SMARCC1: variants seen among roughly 807,000 people sequenced by gnomAD.
SMARCC1 encodes the protein SWI/SNF related BAF chromatin remodeling complex subunit C1.
A neutral mutation model predicts 147.4 loss-of-function variants in SMARCC1; 43 were observed. The observed-to-expected ratio is 0.29, with a 90% CI of 0.23 to 0.38. SMARCC1 has a LOEUF of 0.38. Ranked by LOEUF, SMARCC1 falls within the 10% of genes least tolerant of loss-of-function variation. The pLI, the probability that SMARCC1 is intolerant of heterozygous loss-of-function variation, is 1.00. For synonymous variants in SMARCC1, 495 were observed against 484.4 expected (o/e 1.02, Z -0.29); for missense variants, 1,119 against 1,381.1 (o/e 0.81, Z 3.01).
intron 18 of SMARCC1, among the ~76,000 whole-genome samples, chr3:47,672,947 T>G (rs1304462613): frequency 4.6e-5 from 7 of 152,022 alleles, no homozygotes; most frequent in Admixed American, 4.6e-4. Context: ...TCTGGCTAGT[T>G]TCAGTATTTT....
intron 1 of SMARCC1, among the ~76,000 whole-genome samples, chr3:47,781,291 C>T (rs1233289163): frequency 6.6e-6 from 1 of 152,212 alleles, no homozygotes; most frequent in Admixed American, 6.5e-5. Context: ...TGTTCACACA[C>T]CTAAGGCAGC....
chr3:47,759,618 C>CAAAAA (rs796811233), intron 2 of SMARCC1, among the ~76,000 whole-genome samples: 1 of 63,762 alleles, frequency 1.6e-5, no homozygotes. Flanking sequence ...GACTCCGTCT[C>CAAAAA]AAAAAAAAAA....
At chr3:47,708,083 CTTTTTTTTTTTTTTTTTT>C (rs915291740) in intron 9 of SMARCC1, among the ~76,000 whole-genome samples, 1 of 64,270 alleles carries the variant, frequency 1.6e-5, no homozygotes, top group African/African-American at 6.6e-5. Context: ...AATTTTTTTT[CTTTTTTTTTTTTTTTTTT>C]TTTTTTTTTT....
rs1364483730 is a variant in SMARCC1 at position 47,781,753 on chromosome 3, G to A, written c.45C>T (p.Gly15=). Residue 15 remains glycine, a synonymous_variant, in exon 1 of 28, where the codon GGC becomes GGT. Transcript: ENST00000254480. ...CCGCCGCAATCCCCGAGCCCGTGGC[G>A]CCTACCGCTGTCCCCGGCCCGCCGC... ...AGGGGPGTAV[G]ATGSGIAAAA... is the part of the protein sequence containing the mutation. 1.3e-6 allele frequency: 2 copies of A among 1,518,936 alleles called. No homozygotes were observed. The highest frequency in any genetic ancestry group is 1.8e-6 in the Non-Finnish European group (2 of 1,138,590). The allele number at this position is 1,518,936 out of a possible 1,614,324, so 94.1% of individuals were successfully genotyped here. A position where few individuals can be genotyped will look rare whatever the true frequency, so the allele number is the denominator to read the frequency against.
At chr3:47,630,429 G>A (rs9856209) in intron 24 of SMARCC1, among the ~76,000 whole-genome samples, 2,473 of 152,252 alleles carry the variant, frequency 0.016, 60 homozygotes, top group African/African-American at 0.047. Flanking sequence ...GTGGGGTTGG[G>A]GACCCCTGAT....
chr3:47,751,574 C>T (rs1390036067), intron 2 of SMARCC1, among the ~76,000 whole-genome samples: 1 of 151,672 alleles, frequency 6.6e-6, no homozygotes, highest in Non-Finnish European at 1.5e-5. Flanking sequence ...AACTGACATT[C>T]AATTTTCCAA....
chr3:47,637,585 G>A, intron 22 of SMARCC1, among the ~76,000 whole-genome samples: 1 of 152,122 alleles, frequency 6.6e-6, no homozygotes, highest in East Asian at 1.9e-4. Flanking sequence ...GGTGGCGCGT[G>A]GCTGTAATCC....
At chr3:47,694,723 T>A (rs2033827769) in intron 11 of SMARCC1, among the ~76,000 whole-genome samples, 1 of 152,206 alleles carries the variant, frequency 6.6e-6, no homozygotes, top group Non-Finnish European at 1.5e-5. Context: ...CATCTACCTT[T>A]TAGGTTTTGA....
rs536134129 is a variant in SMARCC1, at chr3:47,708,434, C to A, written c.919-1904G>T. Among the ~76,000 whole-genome samples, 6 of 152,160 alleles carry A rather than the reference C, an allele frequency of 3.9e-5. No homozygotes were observed. In the South Asian group the frequency reaches 1.0e-3, roughly 26 times the overall value. Reference sequence around the variant, plus strand: ...GGAATTACAGGCTTTAGCCACCATGCCCAACCCTTAATTTTTTAACAAATA... The same window carrying A: ...GGAATTACAGGCTTTAGCCACCATGACCAACCCTTAATTTTTTAACAAATA... On this transcript the variant is annotated intron_variant, in intron 9 of 27. Transcript: ENST00000254480.
At chr3:47,683,209 AT>A (rs1238446757) in intron 14 of SMARCC1, among the ~76,000 whole-genome samples, 3 of 148,778 alleles carry the variant, frequency 2.0e-5, no homozygotes, top group East Asian at 2.0e-4. Flanking sequence ...CGCCCGGCTC[AT>A]TTTTTTTTCG....
chr3:47,761,749 A>C (rs2106862414), intron 2 of SMARCC1, among the ~76,000 whole-genome samples: 1 of 152,296 alleles, frequency 6.6e-6, no homozygotes, highest in African/African-American at 2.4e-5. Context: ...TCACATACGG[A>C]TCATAAAATG....
chr3:47,774,011 ATTTTTTT>A (rs2034945316), intron 1 of SMARCC1, among the ~76,000 whole-genome samples: 1 of 151,964 alleles, frequency 6.6e-6, no homozygotes, highest in Non-Finnish European at 1.5e-5. Context: ...GAGAATTTTT[ATTTTTTT>A]ATTTTTTTTT....
intron 2 of SMARCC1, among the ~76,000 whole-genome samples, chr3:47,767,309 C>T (rs1326103202): frequency 3.4e-5 from 5 of 145,238 alleles, no homozygotes; most frequent in Admixed American, 2.7e-4. Context: ...GGCACAATCT[C>T]GGCTCACTAT....
At chr3:47,684,267 C>A (rs890569282) in intron 14 of SMARCC1, among the ~76,000 whole-genome samples, 6 of 143,124 alleles carry the variant, frequency 4.2e-5, no homozygotes, top group Non-Finnish European at 4.6e-5. Context: ...AAAGACAGTA[C>A]TCCAGTTACA....
chr3:47,767,894 GAC>G (rs1261346550), intron 2 of SMARCC1, among the ~76,000 whole-genome samples: 2 of 148,422 alleles, frequency 1.3e-5, no homozygotes, highest in African/African-American at 2.5e-5. Flanking sequence ...TTTTTTTTAA[GAC>G]AGAGTCTCAG....
intron 2 of SMARCC1, among the ~76,000 whole-genome samples, chr3:47,768,837 TGAA>T (rs1255448589): frequency 6.6e-6 from 1 of 151,994 alleles, no homozygotes; most frequent in Non-Finnish European, 1.5e-5. Flanking sequence ...AGATTCTGAG[TGAA>T]GAGAAAATAA....
chr3:47,588,131 A>G lies in SMARCC1; in HGVS notation c.*78T>C, dbSNP rs1576379219. 5 of 1,179,520 alleles carry G rather than the reference A, an allele frequency of 4.2e-6. No individual in the cohort carries two copies. The highest frequency in any genetic ancestry group is 2.6e-5 in the South Asian group (2 of 76,688). The allele number at this position is 1,179,520 out of a possible 1,614,324, so 73.1% of individuals were successfully genotyped here. Reference sequence around the variant, plus strand: ...AGAAAAATCCTGAAAGAAACCCAAGAAAGTTGAGGAACACAAGTCTTGTCA... The same window carrying G: ...AGAAAAATCCTGAAAGAAACCCAAGGAAGTTGAGGAACACAAGTCTTGTCA... On this transcript the variant is annotated 3_prime_UTR_variant, in exon 28 of 28. Transcript: ENST00000254480.
intron 10 of SMARCC1, chr3:47,701,659 C>T: frequency 2.7e-6 from 1 of 368,278 alleles, no homozygotes; most frequent in South Asian, 2.8e-5. Flanking sequence ...ACTGAAAATA[C>T]AAAAATAAGC....
At chr3:47,775,740 C>T (rs1013655080) in intron 1 of SMARCC1, among the ~76,000 whole-genome samples, 1 of 151,864 alleles carries the variant, frequency 6.6e-6, no homozygotes, top group African/African-American at 2.4e-5. Flanking sequence ...ATCGTGCCAC[C>T]GCACTCCAGC....
Sources: allele counts gnomAD v4.1 joint callset (sites outside exome capture counted in the v4.1 genomes callset), GRCh38; gene constraint gnomAD v4.1.1; transcripts MANE v1.5; gene names NCBI Gene and HGNC (gene_info 2026-07-23, HGNC 2026-07-21).